The following CADPS2 variants were observed in gnomAD, a reference collection of about 807,000 sequenced individuals.
CADPS2 encodes the protein calcium-dependent secretion activator 2.
A neutral mutation model predicts 172.5 loss-of-function variants in CADPS2; 93 were observed. The observed-to-expected ratio is 0.54, with a 90% CI of 0.46 to 0.64. The LOEUF (loss-of-function observed/expected upper bound fraction) is 0.64, where lower values mean the gene tolerates loss of function less well. CADPS2 is among the 30% of genes least tolerant of loss of function. The pLI is 0.00. For synonymous variants in CADPS2, 546 were observed against 555.2 expected (o/e 0.98, Z 0.23); for missense variants, 1,420 against 1,565.9 (o/e 0.91, Z 1.57).
At chr7:122,504,754 G>A (rs1020500669) in intron 9 of CADPS2, among the ~76,000 whole-genome samples, 8 of 151,908 alleles carry the variant, frequency 5.3e-5, no homozygotes, top group African/African-American at 1.7e-4. Flanking sequence ...ATACAGACAT[G>A]GGGTCTCACT....
At chr7:122,782,673 T>C (rs1427565960) in intron 1 of CADPS2, among the ~76,000 whole-genome samples, 1 of 152,206 alleles carries the variant, frequency 6.6e-6, no homozygotes, top group Admixed American at 6.5e-5. Flanking sequence ...TAGTCTTCAT[T>C]GGAAATGATA....
intron 1 of CADPS2, among the ~76,000 whole-genome samples, chr7:122,876,048 C>CAGTG (rs1359934932): frequency 2.0e-5 from 3 of 152,142 alleles, no homozygotes; most frequent in Admixed American, 2.0e-4. Flanking sequence ...TGGCCAGGTA[C>CAGTG]AGTGGCTCAT....
At chr7:122,578,141 T>C (rs1277955867) in intron 7 of CADPS2, among the ~76,000 whole-genome samples, 3 of 151,434 alleles carry the variant, frequency 2.0e-5, no homozygotes, top group Non-Finnish European at 2.9e-5. Context: ...CTTTTGTATA[T>C]ACTTAATATG....
At chr7:122,466,435 A>T (rs540253361) in intron 14 of CADPS2, among the ~76,000 whole-genome samples, 3 of 152,254 alleles carry the variant, frequency 2.0e-5, no homozygotes, top group East Asian at 3.9e-4. Flanking sequence ...TTCCAGCAAC[A>T]TGGGGGTGGT....
intron 9 of CADPS2, among the ~76,000 whole-genome samples, chr7:122,502,925 A>G (rs1349646558): frequency 6.6e-6 from 1 of 152,062 alleles, no homozygotes; most frequent in Non-Finnish European, 1.5e-5. Context: ...TTTTAATTGT[A>G]GAGAAGCATG....
intron 1 of CADPS2, among the ~76,000 whole-genome samples, chr7:122,802,369 C>T (rs1176487819): frequency 6.6e-6 from 1 of 152,228 alleles, no homozygotes; most frequent in East Asian, 1.9e-4. Context: ...GCCTAATGCA[C>T]TTCCTGTTCC....
intron 3 of CADPS2, among the ~76,000 whole-genome samples, chr7:122,663,007 G>A (rs2080777987): frequency 6.6e-6 from 1 of 152,112 alleles, no homozygotes; most frequent in Non-Finnish European, 1.5e-5. Context: ...TAGGACACAT[G>A]GGGATGATTA....
Position 122,441,557 on chromosome 7 carries a change from T to G in CADPS2, c.2307A>C (p.Gly769=), listed in dbSNP as rs1390595739. The part of the protein sequence containing the change: ...ISHFRYCFPF[G]RPEGALKATL... The stretch of plus-strand genomic sequence containing the variant: ...TAGCTTTTAGAGCACCTTCAGGTCG[T>G]CCAAAGGGAAAACAGTATCTTTAAA... The change falls in exon 16 of 30, where the codon GGA becomes GGC. Residue 769 remains glycine, a synonymous_variant. Transcript: ENST00000449022. 6.5e-7 allele frequency: 1 copy of G among 1,537,694 alleles called. No homozygotes were observed. Among genetic ancestry groups the G allele is most frequent in the South Asian group, 1.2e-5 (1 of 81,728 alleles).
Position 122,345,796 on chromosome 7 carries a change from TAAAACTAAACCA to T in CADPS2, c.3505-127_3505-116del, listed in dbSNP as rs1315713745. 5.5e-5 allele frequency: 35 copies of T among 640,476 alleles called. No homozygotes were observed. In the East Asian group the frequency reaches 9.7e-4, roughly 18 times the overall value. 39.7% of individuals were successfully genotyped at this position (640,476 alleles called of 1,614,324 possible). A position where few individuals can be genotyped will look rare whatever the true frequency, so the allele number is the denominator to read the frequency against. The stretch of plus-strand genomic sequence containing the variant: ...AAAATTACAGTCATAACAAGGAGCT[TAAAACTAAACCA>T]AAAGTGAGCATCTTCAATACATTCC... On this transcript the variant is annotated intron_variant, in intron 27 of 29. Transcript: ENST00000449022.
chr7:122,645,394 T>A (rs1451067964), intron 3 of CADPS2, among the ~76,000 whole-genome samples: 1 of 56,326 alleles, frequency 1.8e-5, no homozygotes. Flanking sequence ...CATGTGTGTG[T>A]ATATATGTAC....
chr7:122,570,236 A>T (rs532542456), intron 7 of CADPS2, among the ~76,000 whole-genome samples: 1 of 152,144 alleles, frequency 6.6e-6, no homozygotes, highest in Non-Finnish European at 1.5e-5. Flanking sequence ...ATGAACAGAC[A>T]CTTCTCAAAA....
At chr7:122,373,644 G>A (rs974618739) in intron 25 of CADPS2, among the ~76,000 whole-genome samples, 1 of 152,074 alleles carries the variant, frequency 6.6e-6, no homozygotes, top group African/African-American at 2.4e-5. Flanking sequence ...AGATACCAAT[G>A]TAAGGCTACA....
At chr7:122,479,794 T>C (rs2057081350) in intron 12 of CADPS2, among the ~76,000 whole-genome samples, 4 of 152,190 alleles carry the variant, frequency 2.6e-5, no homozygotes, top group Admixed American at 2.6e-4. Flanking sequence ...ATTTAATATA[T>C]TAGATCAATC....
At chr7:122,403,714 A>C (rs933228215) in intron 20 of CADPS2, among the ~76,000 whole-genome samples, 3 of 152,114 alleles carry the variant, frequency 2.0e-5, no homozygotes, top group Admixed American at 6.5e-5. Context: ...AATATGAAAA[A>C]ATATTAATTC....
At position 122,351,372 on chromosome 7, in the gene CADPS2, CAAAAAAAAAAAAA is replaced by C. The variant is rs398048049; in HGVS notation, c.3505-5704_3505-5692del. Among the ~76,000 whole-genome samples, 15 of 28,926 alleles carry C rather than the reference CAAAAAAAAAAAAA, an allele frequency of 5.2e-4. No individual in the cohort carries two copies. In the East Asian group the frequency reaches 7.1e-3, roughly 14 times the overall value. 19.0% of individuals were successfully genotyped at this position (28,926 alleles called of 152,430 possible). ...TGGGTGACAGAGCGAGACTCCGTCTCAAAAAAAAAAAAAAAAAAAAAAAAAAAAAAATTCCAAA... is the reference window on the plus strand; with the variant it reads ...TGGGTGACAGAGCGAGACTCCGTCTCAAAAAAAAAAAAAAAAAATTCCAAA... On this transcript the variant is annotated intron_variant, in intron 27 of 29. Transcript: ENST00000449022.
intron 9 of CADPS2, among the ~76,000 whole-genome samples, chr7:122,506,479 G>A (rs140643000): frequency 1.1e-4 from 16 of 152,234 alleles, no homozygotes; most frequent in Admixed American, 2.0e-4. Context: ...TCTGGTATAC[G>A]AAACCTCCCA....
chr7:122,730,872 A>G (rs1377681569), intron 2 of CADPS2, among the ~76,000 whole-genome samples: 1 of 151,740 alleles, frequency 6.6e-6, no homozygotes. Context: ...ATAATATCAC[A>G]GTAGAAAATT....
chr7:122,545,657 G>A (rs1157342784), intron 8 of CADPS2, among the ~76,000 whole-genome samples: 1 of 152,144 alleles, frequency 6.6e-6, no homozygotes, highest in Non-Finnish European at 1.5e-5. Flanking sequence ...GATGGAGACT[G>A]AATTAGGGTT....
At chr7:122,466,260 C>G (rs1428288698) in intron 14 of CADPS2, among the ~76,000 whole-genome samples, 4 of 152,196 alleles carry the variant, frequency 2.6e-5, no homozygotes, top group African/African-American at 7.2e-5. Flanking sequence ...CCAGGAGTTG[C>G]ACAGTTTGAA....
Sources: gnomAD v4.1 joint callset for allele counts (sites outside exome capture counted in the v4.1 genomes callset) on GRCh38, gnomAD v4.1.1 for gene constraint, MANE v1.5 for transcripts, NCBI Gene and HGNC (gene_info 2026-07-23, HGNC 2026-07-21) for gene names.